SEMA6D: variants seen among roughly 807,000 people sequenced by gnomAD.
SEMA6D encodes semaphorin 6D.
A neutral mutation model predicts 106.6 loss-of-function variants in SEMA6D; 35 were observed. The observed-to-expected ratio is 0.33, with a 90% confidence interval of 0.25 to 0.44. The LOEUF (loss-of-function observed/expected upper bound fraction) is 0.44, where lower values mean the gene tolerates loss of function less well. SEMA6D is among the 20% of genes least tolerant of loss of function. The pLI is 1.00. For synonymous variants in SEMA6D, 499 were observed against 487.7 expected (o/e 1.02, Z -0.31); for missense variants, 1,185 against 1,345.9 (o/e 0.88, Z 1.87).
chr15:47,376,758 G>A (rs1359343389), intron 1 of SEMA6D, among the ~76,000 whole-genome samples: 1 of 152,194 alleles, frequency 6.6e-6, no homozygotes, highest in Non-Finnish European at 1.5e-5. Flanking sequence ...TTGCCTTCTT[G>A]TGGGGTAAAA....
At chr15:47,581,820 G>C (rs1316825798) in intron 3 of SEMA6D, among the ~76,000 whole-genome samples, 2 of 152,180 alleles carry the variant, frequency 1.3e-5, no homozygotes, top group Admixed American at 1.3e-4. Flanking sequence ...ATTTACAGAT[G>C]AGTATCTGAG....
At chr15:47,656,460 C>A (rs2077796867) in intron 4 of SEMA6D, among the ~76,000 whole-genome samples, 1 of 152,044 alleles carries the variant, frequency 6.6e-6, no homozygotes, top group Non-Finnish European at 1.5e-5. Flanking sequence ...GGTTTCTGTG[C>A]CCTTCTAATA....
chr15:47,688,742 C>T (rs1207584658), intron 4 of SEMA6D, among the ~76,000 whole-genome samples: 2 of 152,182 alleles, frequency 1.3e-5, no homozygotes, highest in African/African-American at 4.8e-5. Context: ...CTGGCAACTT[C>T]ACCAAACTGT....
At chr15:47,362,637 A>G (rs966983798) in intron 1 of SEMA6D, among the ~76,000 whole-genome samples, 2 of 152,138 alleles carry the variant, frequency 1.3e-5, no homozygotes, top group Non-Finnish European at 2.9e-5. Context: ...CAGTGGGAAG[A>G]GAGCAGAGTG....
intron 1 of SEMA6D, among the ~76,000 whole-genome samples, chr15:47,353,557 C>A (rs762625340): frequency 6.6e-6 from 1 of 152,146 alleles, no homozygotes; most frequent in African/African-American, 2.4e-5. Context: ...TTCATCCAGA[C>A]GAATTGACCT....
intron 1 of SEMA6D, among the ~76,000 whole-genome samples, chr15:47,392,877 T>C (rs552879886): frequency 2.0e-5 from 3 of 152,330 alleles, no homozygotes; most frequent in East Asian, 3.9e-4. Context: ...CCAGTTGCCA[T>C]TGGCCATTCA....
At position 47,277,962 on chromosome 15, in the gene SEMA6D, C is replaced by A. The variant is rs961902641; in HGVS notation, c.-239+93544C>A. On this transcript the variant is annotated intron_variant, in intron 1 of 19. Coordinates refer to the SEMA6D transcript ENST00000558014. ...TGAACTCATCATTTTTTATGGCTGC[C>A]TAGTATTCCATGGTGTATATGTACC... Among the ~76,000 whole-genome samples the A allele has an allele frequency of 2.9e-3, 446 of 151,916 alleles. 3 individuals carry two copies. The highest frequency in any genetic ancestry group is 0.01 in the African/African-American group (418 of 41,404).
intron 1 of SEMA6D, among the ~76,000 whole-genome samples, chr15:47,340,426 AG>A (rs1429466272): frequency 6.6e-6 from 1 of 152,092 alleles, no homozygotes; most frequent in Non-Finnish European, 1.5e-5. Flanking sequence ...ACCATCTCTG[AG>A]GAGAACAGGG....
intron 4 of SEMA6D, among the ~76,000 whole-genome samples, chr15:47,676,070 G>A (rs962328479): frequency 6.6e-5 from 10 of 152,162 alleles, no homozygotes; most frequent in Admixed American, 2.0e-4. Context: ...GGGTGACTCT[G>A]CAGTCGGCTC....
In SEMA6D at chr15:47,445,473, A is replaced by C. The variant is rs2042002175; in HGVS notation, c.-158-25001A>C. ...ATCATCCCACCACAGTAATACAGCAACTCTTCATTTTAACCTATCCCTGCT... is the reference window on the plus strand; with the variant it reads ...ATCATCCCACCACAGTAATACAGCACCTCTTCATTTTAACCTATCCCTGCT... On this transcript the variant is annotated intron_variant, in intron 2 of 19. Transcript: ENST00000558014. 2.6e-5 allele frequency among the ~76,000 whole-genome samples: 4 copies of C among 151,852 alleles called. No homozygotes were observed. The South Asian group carries it at 8.3e-4, about 32-fold the overall frequency.
chr15:47,263,308 G>A (rs1367555662), intron 1 of SEMA6D, among the ~76,000 whole-genome samples: 3 of 152,038 alleles, frequency 2.0e-5, no homozygotes, highest in Admixed American at 2.0e-4. Flanking sequence ...TCTGACAAAG[G>A]TCTAATATCC....
At chr15:47,344,670 G>T (rs2037970059) in intron 1 of SEMA6D, among the ~76,000 whole-genome samples, 2 of 152,174 alleles carry the variant, frequency 1.3e-5, no homozygotes, top group African/African-American at 4.8e-5. Flanking sequence ...TCTCTTTTGA[G>T]AATTCAGTTA....
chr15:47,763,099 G>A lies in SEMA6D; in HGVS notation c.742G>A (p.Gly248Ser). The A allele has an allele frequency of 6.2e-7, 1 of 1,610,754 alleles. No individual in the cohort carries two copies. Among genetic ancestry groups the A allele is most frequent in the Non-Finnish European group, 8.5e-7 (1 of 1,177,984 alleles). ...AATCGCTGTCGAACATAATAATTTA[G>A]GCAAGGCAAGTATATGCATTTGGCT... is the stretch of plus-strand genomic sequence containing the variant. ...REIAVEHNNL[G>S]KAVYSRVARI... The change falls in exon 9 of 19, where the codon GGC (glycine) becomes AGC (serine). Residue 248 changes from glycine to serine, a missense_variant. By Grantham distance (56) the Gly-to-Ser change is moderately conservative (BLOSUM62 0). Transcript: ENST00000536845.
intron 1 of SEMA6D, among the ~76,000 whole-genome samples, chr15:47,325,159 G>T (rs1671674461): frequency 6.7e-6 from 1 of 149,126 alleles, no homozygotes; most frequent in African/African-American, 2.5e-5. Context: ...AGGGTGAAGC[G>T]TTTTTTTTTT....
intron 1 of SEMA6D, among the ~76,000 whole-genome samples, chr15:47,292,307 G>T (rs191435370): frequency 1.7e-4 from 26 of 152,220 alleles, no homozygotes; most frequent in African/African-American, 5.5e-4. Flanking sequence ...AAATGTGAAT[G>T]GCAGTGTGTT....
chr15:47,482,780 A>T (rs1657883910), intron 3 of SEMA6D, among the ~76,000 whole-genome samples: 2 of 152,170 alleles, frequency 1.3e-5, no homozygotes, highest in African/African-American at 4.8e-5. Flanking sequence ...AAAACAAGTG[A>T]GAAGTTATTT....
intron 1 of SEMA6D, among the ~76,000 whole-genome samples, chr15:47,409,989 T>C (rs2040732661): frequency 6.6e-6 from 1 of 152,056 alleles, no homozygotes; most frequent in Admixed American, 6.6e-5. Context: ...ACCAAATATT[T>C]AAGAAATTTT....
chr15:47,481,831 T>C (rs2043161578), intron 3 of SEMA6D, among the ~76,000 whole-genome samples: 1 of 152,156 alleles, frequency 6.6e-6, no homozygotes, highest in South Asian at 2.1e-4. Context: ...TATATTTGTA[T>C]ACAAAATTAT....
intron 3 of SEMA6D, among the ~76,000 whole-genome samples, chr15:47,569,343 C>T (rs189629042): frequency 6.6e-6 from 1 of 152,268 alleles, no homozygotes; most frequent in Non-Finnish European, 1.5e-5. Flanking sequence ...TAGAATCATG[C>T]AAGTTTCTAG....
Sources: gnomAD v4.1 joint callset for allele counts (sites outside exome capture counted in the v4.1 genomes callset) on GRCh38, gnomAD v4.1.1 for gene constraint, MANE v1.5 for transcripts, NCBI Gene and HGNC (gene_info 2026-07-23, HGNC 2026-07-21) for gene names.